The following TRABD variants were observed in gnomAD, a reference collection of about 807,000 sequenced individuals.
TRABD encodes the protein traB domain-containing protein.
A neutral mutation model predicts 39.6 loss-of-function variants in TRABD; 23 were observed. The observed-to-expected ratio is 0.58, with a 90% CI of 0.42 to 0.82. The LOEUF is 0.82. Among genes scored for constraint, TRABD ranks in the 40% least tolerant of loss-of-function variants. The pLI is 0.00. For missense variants in TRABD, 487 were observed against 544.9 expected, an observed-to-expected ratio of 0.89 and a Z score of 1.06; for synonymous variants, 243 against 232.1, an observed-to-expected ratio of 1.05 and a Z score of -0.43.
chr22:50,192,944 AGACT>A (rs2063958558), intron 1 of TRABD, 79 bp from the exon 2 acceptor site: 1 of 1,291,780 alleles, frequency 7.7e-7, no homozygotes, highest in Non-Finnish European at 1.1e-6. Context: ...AGATGGTTCT[AGACT>A]GACAGGGCAC....
At chr22:50,197,040 TGTTGGGACAGAACTCCCTGCTCTG>T (rs2064137352) in intron 5 of TRABD, 177 bp from the exon 6 acceptor site, 1 of 583,596 alleles carries the variant, frequency 1.7e-6, no homozygotes, top group Non-Finnish European at 3.0e-6. Context: ...GAGAAGTGCC[TGTTGGGACAGAACTCCCTGCTCTG>T]GTCTGACCCT....
At chr22:50,186,640 G>T (rs1015652116) in intron 1 of TRABD, among the ~76,000 whole-genome samples, 3 of 152,318 alleles carry the variant, frequency 2.0e-5, no homozygotes, top group Non-Finnish European at 2.9e-5. Context: ...TGGGGGTGCT[G>T]GGGGAGGCCG....
rs144093601 is a variant in TRABD, at chr22:50,197,243, C to T, written c.423C>T (p.Asn141=). Residue 141 remains asparagine (N), a splice_region_variant and synonymous_variant, in exon 6 of 10, where the codon AAC becomes AAT. Coordinates refer to ENST00000380909, the MANE Select transcript of TRABD (RefSeq NM_001320485.2). ...LEKLQQAVRQ[N]GLMSGLMQML... is the part of the protein sequence containing the mutation. ...ATGCCTGCTCCCTCTCTCTGCAGAA[C>T]GGGCTCATGTCGGGGCTGATGCAGA... 24 of 1,612,638 alleles carry T rather than the reference C, an allele frequency of 1.5e-5. No individual in the cohort carries two copies. The highest frequency in any genetic ancestry group is 1.6e-4 in the Middle Eastern group (1 of 6,082).
chr22:50,196,389 G>A (rs777467804), intron 5 of TRABD, among the ~76,000 whole-genome samples: 11 of 152,232 alleles, frequency 7.2e-5, no homozygotes, highest in Admixed American at 2.6e-4. Flanking sequence ...GTCCCTGGGC[G>A]CGTGCAGGTG....
In TRABD at chr22:50,193,041, C is replaced by T. The variant is rs556867068; in HGVS notation, c.-20C>T. On this transcript the variant is annotated 5_prime_UTR_variant, in exon 2 of 10. Coordinates refer to ENST00000380909, the MANE Select transcript of TRABD (RefSeq NM_001320485.2). ...CCTCTCCTCAGGCTCCCCACAGGTG[C>T]AGGAAGCCGCCGCCCAGCCATGGAC... The T allele has an allele frequency of 8.6e-5, 133 of 1,544,662 alleles. 2 individuals carry two copies. The East Asian group carries it at 3.2e-3, about 37-fold the overall frequency.
At chr22:50,197,191 G>GCGGGGGGCGCCCCCCCCCCCCC in intron 5 of TRABD, 50 bp from the exon 6 acceptor site, 1 of 1,553,438 alleles carries the variant, frequency 6.4e-7, no homozygotes, top group Middle Eastern at 1.9e-4. Context: ...TTCCCCCAGC[G>GCGGGGGGCGCCCCCCCCCCCCC]CACCCCCGCA....
At chr22:50,193,161 G>A (rs56007117) in intron 2 of TRABD, 68 bp downstream of exon 2, 46 of 1,481,038 alleles carry the variant, frequency 3.1e-5, no homozygotes, top group African/African-American at 1.6e-4. Context: ...GTGGGCTCTC[G>A]GGGTCGGTCC....
rs371638869 is a variant in TRABD at position 50,197,747 on chromosome 22, C to T, written c.672-76C>T. On this transcript the variant is annotated intron_variant, in intron 7 of 9. Coordinates refer to ENST00000380909, the MANE Select transcript of TRABD (RefSeq NM_001320485.2). ...AAACAAACGTGCTGTGGTCCCTGCC[C>T]GGTGTCCACAGTGCCAGCCCCACCC... is the stretch of plus-strand genomic sequence containing the variant. 66 of 1,581,638 alleles carry T rather than the reference C, an allele frequency of 4.2e-5. 1 individual carries two copies. In the South Asian group the frequency reaches 5.4e-4, roughly 13 times the overall value.
chr22:50,198,338 C>A lies in TRABD; in HGVS notation c.957-7C>A. The A allele has an allele frequency of 3.2e-6, 5 of 1,561,912 alleles. No individual in the cohort carries two copies. The highest frequency in any genetic ancestry group is 4.3e-6 in the Non-Finnish European group (5 of 1,156,770). ...CAGCCAGGCCCAGCGCCCCCTCCCT[C>A]CCACAGCGTGCCCCCGCCGTCCGTC... is the stretch of plus-strand genomic sequence containing the variant. On this transcript the variant is annotated splice_polypyrimidine_tract_variant and splice_region_variant and intron_variant, in intron 9 of 9. Coordinates refer to ENST00000380909, the MANE Select transcript of TRABD (RefSeq NM_001320485.2). This position sits in a 1 kb window ranked among gnomAD's most constrained non-coding sequence, Gnocchi z 7.9.
Position 50,198,275 on chromosome 22 carries a change from A to G in TRABD, c.957-70A>G. ...TGGAGGCCAACCACATGCGGCAGTG[A>G]CCCAGGCATGGGGGCTGGGGTATGG... On this transcript the variant is annotated intron_variant, in intron 9 of 9. Transcript: ENST00000380909. This position sits in a 1 kb window ranked among gnomAD's most constrained non-coding sequence, Gnocchi z 7.9. 1 of 1,519,268 alleles carries G rather than the reference A, an allele frequency of 6.6e-7. No individual in the cohort carries two copies. The highest frequency in any genetic ancestry group is 8.9e-7 in the Non-Finnish European group (1 of 1,118,542). The allele number at this position is 1,519,268 out of a possible 1,614,324, so 94.1% of individuals were successfully genotyped here.
intron 1 of TRABD, among the ~76,000 whole-genome samples, chr22:50,186,526 A>T (rs2063762568): frequency 6.6e-6 from 1 of 152,020 alleles, no homozygotes; most frequent in Non-Finnish European, 1.5e-5. Flanking sequence ...CTCGAGTCCC[A>T]GGGTCCTCGC....
intron 5 of TRABD, chr22:50,196,996 C>A: frequency 1.9e-6 from 1 of 519,842 alleles, no homozygotes; most frequent in East Asian, 3.2e-5. Context: ...CTGCACCCGG[C>A]CCGTGAAGGT....
Position 50,197,050 on chromosome 22 carries a change from G to C in TRABD, c.421-191G>C, listed in dbSNP as rs1436988231. ...CCTTTGAGAAGTGCCTGTTGGGACAGAACTCCCTGCTCTGGTCTGACCCTC... is the reference window on the plus strand; with the variant it reads ...CCTTTGAGAAGTGCCTGTTGGGACACAACTCCCTGCTCTGGTCTGACCCTC... On this transcript the variant is annotated intron_variant, in intron 5 of 9. Transcript: ENST00000380909. 4 of 594,464 alleles carry C rather than the reference G, an allele frequency of 6.7e-6. No homozygotes were observed. The East Asian group carries it at 1.1e-4, about 17-fold the overall frequency. The allele number at this position is 594,464 out of a possible 1,614,324, so 36.8% of individuals were successfully genotyped here.
chr22:50,194,535 A>ATT (rs1569085263), intron 4 of TRABD, 29 bp downstream of exon 4: 1 of 1,561,534 alleles, frequency 6.4e-7, no homozygotes, highest in Non-Finnish European at 8.7e-7. Flanking sequence ...CACATCCCGG[A>ATT]CACGGGTTGG....
At position 50,194,222 on chromosome 22, in the gene TRABD, GCTC is replaced by G. The variant is rs1470849396; in HGVS notation, c.113-117_113-115del. 7.7e-6 allele frequency: 10 copies of G among 1,304,582 alleles called. No homozygotes were observed. In the African/African-American group the frequency reaches 1.5e-4, roughly 19 times the overall value. 80.8% of individuals were successfully genotyped at this position (1,304,582 alleles called of 1,614,324 possible). ...GTGTGACGCTCGTCAGGAGTCTTGT[GCTC>G]TGCACCTGTTCAGTTCTCAGAACCC... is the stretch of plus-strand genomic sequence containing the variant. On this transcript the variant is annotated intron_variant, in intron 3 of 9. Transcript: ENST00000380909.
chr22:50,187,824 C>A (rs1237258792), intron 1 of TRABD, among the ~76,000 whole-genome samples: 2 of 151,432 alleles, frequency 1.3e-5, no homozygotes, highest in African/African-American at 4.9e-5. Context: ...CTAAAAAATA[C>A]AAAAAATTAG....
chr22:50,186,472 C>T (rs904771568), intron 1 of TRABD, among the ~76,000 whole-genome samples: 2 of 152,078 alleles, frequency 1.3e-5, no homozygotes, highest in African/African-American at 4.8e-5. Context: ...AGGGCTGGGG[C>T]GGGGAGGGTC....
In TRABD at chr22:50,198,121, C is replaced by G; in HGVS notation, c.891C>G (p.Gly297=). 6.2e-7 allele frequency: 1 copy of G among 1,612,870 alleles called. No homozygotes were observed. Residue 297 remains glycine (G), a synonymous_variant, in exon 9 of 10, where the codon GGC becomes GGG. Coordinates refer to ENST00000380909, the MANE Select transcript of TRABD (RefSeq NM_001320485.2). This position sits in a 1 kb window ranked among gnomAD's most constrained non-coding sequence, Gnocchi z 7.9. ...CCTCCGTGGTCGTGGGCGTCGTGGG[C>G]ATGGGCCACGTGCCTGGCATCGAGA... The part of the protein sequence containing the change: ...CVPSVVVGVV[G]MGHVPGIEKN...
In TRABD at chr22:50,198,443, G is replaced by A. The variant is rs960969307; in HGVS notation, c.1055G>A (p.Arg352His). The part of the protein sequence containing the change: ...LGYSLYWMGR[R>H]TASLVLSLPA... ...TACAGCCTGTACTGGATGGGCCGCCGCACCGCGAGCCTGGTCCTGTCGCTG... is the reference window on the plus strand; with the variant it reads ...TACAGCCTGTACTGGATGGGCCGCCACACCGCGAGCCTGGTCCTGTCGCTG... Residue 352 changes from arginine to histidine, a missense_variant, in exon 10 of 10, where the codon CGC (arginine) becomes CAC (histidine). Arg to His is a conservative substitution (Grantham distance 29). This residue lies in a region of TRABD where 123 missense variants were observed against 108.3 expected (regional missense o/e 1.14). Coordinates refer to ENST00000380909, the MANE Select transcript of TRABD (RefSeq NM_001320485.2). This position sits in a 1 kb window ranked among gnomAD's most constrained non-coding sequence, Gnocchi z 7.9. The A allele has an allele frequency of 2.1e-5, 34 of 1,593,818 alleles. No homozygotes were observed. Among genetic ancestry groups the A allele is most frequent in the African/African-American group, 2.7e-5 (2 of 74,726 alleles).
Sources: gnomAD v4.1 joint callset for allele counts (sites outside exome capture counted in the v4.1 genomes callset) on GRCh38, gnomAD v4.1.1 for gene constraint, gnomAD v4.1.1 regional missense constraint, Gnocchi (gnomAD v3.1) non-coding constraint, MANE v1.5 for transcripts, NCBI Gene and HGNC (gene_info 2026-07-23, HGNC 2026-07-21) for gene names.